Variants in NRXN3 observed in about 807,000 individuals in gnomAD.
NRXN3 encodes the protein neurexin III.
A neutral mutation model predicts 137.6 loss-of-function variants in NRXN3; 32 were observed. The ratio of observed to expected loss-of-function variants is 0.23; its 90% CI spans 0.18 to 0.31. The LOEUF (loss-of-function observed/expected upper bound fraction) is 0.31. Ranked by LOEUF, NRXN3 falls within the 10% of genes least tolerant of loss-of-function variation. NRXN3 has a pLI of 1.00. For missense variants in NRXN3, 1,574 were observed against 2,062.5 expected (o/e 0.76, Z 4.59); for synonymous variants, 798 against 784.5 (o/e 1.02, Z -0.29).
intron 15 of NRXN3, among the ~76,000 whole-genome samples, chr14:79,117,216 T>G (rs1365990685): frequency 6.6e-6 from 1 of 152,198 alleles, no homozygotes; most frequent in Non-Finnish European, 1.5e-5. Flanking sequence ...ATTCTATAGT[T>G]TATCCTATAT....
intron 15 of NRXN3, among the ~76,000 whole-genome samples, chr14:79,321,623 T>C (rs965474428): frequency 6.6e-6 from 1 of 151,854 alleles, no homozygotes; most frequent in Non-Finnish European, 1.5e-5. Flanking sequence ...TTGGAAGTTA[T>C]TATATGTAAA....
At chr14:78,685,933 G>A (rs1472798716) in intron 6 of NRXN3, among the ~76,000 whole-genome samples, 3 of 151,636 alleles carry the variant, frequency 2.0e-5, no homozygotes, top group African/African-American at 7.3e-5. Context: ...ACAGGCGTGT[G>A]CCACCGCACC....
chr14:78,216,978 T>G (rs561017341), intron 1 of NRXN3, among the ~76,000 whole-genome samples: 47 of 152,314 alleles, frequency 3.1e-4, no homozygotes, highest in African/African-American at 9.1e-4. Context: ...CAGCCCGGCC[T>G]ACTCCAGTAT....
At chr14:79,449,093 G>A (rs1182944886) in intron 15 of NRXN3, among the ~76,000 whole-genome samples, 1 of 152,162 alleles carries the variant, frequency 6.6e-6, no homozygotes, top group Non-Finnish European at 1.5e-5. Context: ...TCTTGGGGGA[G>A]GGGGCATAAA....
intron 4 of NRXN3, among the ~76,000 whole-genome samples, chr14:78,545,765 T>C (rs2096631434): frequency 6.6e-6 from 1 of 152,192 alleles, no homozygotes; most frequent in Admixed American, 6.5e-5. Context: ...GAACCTGCTG[T>C]GTGCCACTTT....
At chr14:79,015,932 C>T (rs1567995196) in intron 15 of NRXN3, among the ~76,000 whole-genome samples, 1 of 152,090 alleles carries the variant, frequency 6.6e-6, no homozygotes, top group Non-Finnish European at 1.5e-5. Flanking sequence ...ATCCTAAAGG[C>T]CCTCTGCTCT....
At chr14:79,452,229 G>C (rs1408577035) in intron 15 of NRXN3, among the ~76,000 whole-genome samples, 1 of 152,082 alleles carries the variant, frequency 6.6e-6, no homozygotes, top group Admixed American at 6.6e-5. Flanking sequence ...CTAATGGAGA[G>C]AAGTACTGTA....
chr14:79,382,749 G>C lies in NRXN3; in HGVS notation c.3263-84472G>C, dbSNP rs78884371. ...TCCCTACATATGAATTTACTCTATT[G>C]AATATTTTAAAATCACCTGTGTTTT... is the stretch of plus-strand genomic sequence containing the variant. On this transcript the variant is annotated intron_variant, in intron 15 of 20. Coordinates refer to ENST00000335750, the MANE Select transcript of NRXN3 (RefSeq NM_001330195.2). Among the ~76,000 whole-genome samples the C allele has an allele frequency of 3.8e-3, 583 of 152,150 alleles. 5 individuals carry two copies. Among genetic ancestry groups the C allele is most frequent in the African/African-American group, 0.014 (563 of 41,504 alleles).
chr14:78,632,531 C>G (rs1005327628), intron 4 of NRXN3, among the ~76,000 whole-genome samples: 1 of 151,988 alleles, frequency 6.6e-6, no homozygotes, highest in Non-Finnish European at 1.5e-5. Flanking sequence ...AGCATATAGT[C>G]TTTGGAGGTT....
intron 15 of NRXN3, among the ~76,000 whole-genome samples, chr14:79,179,560 G>A (rs4903834): frequency 0.036 from 5,471 of 152,178 alleles, 252 homozygotes; most frequent in East Asian, 0.22. Flanking sequence ...AGCAATTTGC[G>A]TTTCAACAAG....
At chr14:79,235,432 TCTGAC>T (rs1377275048) in intron 15 of NRXN3, among the ~76,000 whole-genome samples, 1 of 152,166 alleles carries the variant, frequency 6.6e-6, no homozygotes, top group African/African-American at 2.4e-5. Flanking sequence ...TGGATTAAAG[TCTGAC>T]CTTTGGGCAA....
chr14:78,481,902 T>G (rs2095479388), intron 4 of NRXN3, among the ~76,000 whole-genome samples: 1 of 152,136 alleles, frequency 6.6e-6, no homozygotes, highest in African/African-American at 2.4e-5. Flanking sequence ...GAACTTCCCC[T>G]TATTTTTTAG....
chr14:79,633,983 T>C (rs939658772), intron 16 of NRXN3, among the ~76,000 whole-genome samples: 1 of 151,122 alleles, frequency 6.6e-6, no homozygotes, highest in Non-Finnish European at 1.5e-5. Flanking sequence ...CTAACAAACA[T>C]TCCATAAACA....
At chr14:79,494,501 C>T (rs550608723) in intron 16 of NRXN3, among the ~76,000 whole-genome samples, 1 of 152,224 alleles carries the variant, frequency 6.6e-6, no homozygotes, top group East Asian at 1.9e-4. Context: ...TCTTTCTTAC[C>T]AGCCTTGCAT....
At chr14:78,943,531 G>C (rs181503649) in intron 10 of NRXN3, among the ~76,000 whole-genome samples, 1 of 148,328 alleles carries the variant, frequency 6.7e-6, no homozygotes, top group East Asian at 2.0e-4. Flanking sequence ...GGGCTTCTGT[G>C]AGTGGAGTGA....
At chr14:78,305,271 A>G (rs935399820) in intron 4 of NRXN3, among the ~76,000 whole-genome samples, 4 of 152,128 alleles carry the variant, frequency 2.6e-5, no homozygotes, top group Admixed American at 6.5e-5. Flanking sequence ...ATCTTTAATA[A>G]CGATCAAGAA....
intron 1 of NRXN3, among the ~76,000 whole-genome samples, chr14:78,219,573 G>T (rs181002942): frequency 6.6e-6 from 1 of 152,294 alleles, no homozygotes; most frequent in East Asian, 1.9e-4. Context: ...TAGACTCGAC[G>T]TCTTAATTTT....
At chr14:79,522,216 A>T (rs1228996703) in intron 16 of NRXN3, among the ~76,000 whole-genome samples, 1 of 152,168 alleles carries the variant, frequency 6.6e-6, no homozygotes, top group East Asian at 1.9e-4. Flanking sequence ...CTGGAGAAGT[A>T]GGAGGGGATA....
At chr14:78,803,853 G>A (rs777612589) in intron 9 of NRXN3, 30 bp downstream of exon 9, 8 of 1,579,796 alleles carry the variant, frequency 5.1e-6, no homozygotes, top group African/African-American at 4.0e-5. Context: ...CTGCCACTTC[G>A]TTTGGGCTTG....
Sources: allele counts gnomAD v4.1 joint callset (sites outside exome capture counted in the v4.1 genomes callset), GRCh38; gene constraint gnomAD v4.1.1; transcripts MANE v1.5; gene names NCBI Gene and HGNC (gene_info 2026-07-23, HGNC 2026-07-21).